The following HEATR4 variants were observed in gnomAD, a reference collection of about 807,000 sequenced individuals.
HEATR4 encodes HEAT repeat-containing protein 4.
HEATR4 carries 95 observed loss-of-function variants against 108.8 expected under a neutral mutation model. The ratio of observed to expected loss-of-function variants is 0.87; its 90% confidence interval spans 0.74 to 1.04. HEATR4 has a LOEUF of 1.04. Among genes scored for constraint, HEATR4 ranks in the 50% least tolerant of loss-of-function variants. The pLI, the probability that HEATR4 is intolerant of heterozygous loss-of-function variation, is 0.00. For synonymous variants in HEATR4, 443 were observed against 459.4 expected, an observed-to-expected ratio of 0.96 and a Z score of 0.46; for missense variants, 1,152 against 1,253.8, an observed-to-expected ratio of 0.92 and a Z score of 1.23.
chr14:73,548,584 G>A lies in HEATR4; in HGVS notation c.-152+10167C>T, dbSNP rs1283906474. Among the ~76,000 whole-genome samples, 2 of 115,538 alleles carry A rather than the reference G, an allele frequency of 1.7e-5. 1 individual carries two copies. The highest frequency in any genetic ancestry group is 3.8e-5 in the Non-Finnish European group (2 of 52,866). The allele number at this position is 115,538 out of a possible 152,430, so 75.8% of individuals were successfully genotyped here. On this transcript the variant is annotated intron_variant, in intron 1 of 17. Transcript: ENST00000553558. Reference sequence around the variant, plus strand: ...ATCTAGGTAAATACATGTGCATAAGGCACGGAAGCACAGAATGGGAAAAGA... The same window carrying A: ...ATCTAGGTAAATACATGTGCATAAGACACGGAAGCACAGAATGGGAAAAGA...
At chr14:73,558,190 C>T (rs1889431537) in intron 1 of HEATR4, among the ~76,000 whole-genome samples, 2 of 130,984 alleles carry the variant, frequency 1.5e-5, no homozygotes, top group South Asian at 5.4e-4. Context: ...TAGGGAACAG[C>T]TGCTTAACCT....
chr14:73,596,579 C>T, the HEATR4 span: 1 of 151,962 alleles, frequency 6.6e-6, no homozygotes, highest in South Asian at 2.1e-4. Flanking sequence ...TTGACATTGA[C>T]ACTACATAGC....
intron 11 of HEATR4, among the ~76,000 whole-genome samples, chr14:73,502,148 A>C (rs112530341): frequency 2.0e-4 from 30 of 149,966 alleles, no homozygotes; most frequent in African/African-American, 7.1e-4. Flanking sequence ...CCTGCTTCAG[A>C]GTCTCAAAGT....
Position 73,492,999 on chromosome 14 carries a change from CTT to C in HEATR4, c.2844+65_2844+66del, listed in dbSNP as rs11410201. On this transcript the variant is annotated intron_variant, in intron 17 of 17. Transcript: ENST00000553558. The surrounding 1 kb of genome is among the most constrained non-coding windows in gnomAD (Gnocchi z 4.9). ...AGTGATTCTCCGCTGCCACTGCTAC[CTT>C]TTTTTTTTTTTTTTCCTTAAACTCA... is the stretch of plus-strand genomic sequence containing the variant. The C allele has an allele frequency of 1.7e-3, 2,407 of 1,447,570 alleles. No homozygotes were observed. The highest frequency in any genetic ancestry group is 2.5e-3 in the South Asian group (190 of 75,854). 89.7% of individuals were successfully genotyped at this position (1,447,570 alleles called of 1,614,324 possible). A position where few individuals can be genotyped will look rare whatever the true frequency, so the allele number is the denominator to read the frequency against.
chr14:73,496,750 A>G (rs1265550433), intron 14 of HEATR4, 71 bp from the exon 15 acceptor site: 1 of 844,930 alleles, frequency 1.2e-6, no homozygotes, highest in South Asian at 1.4e-5. Flanking sequence ...TAGAAAATAT[A>G]GGACTTGGAA....
intron 16 of HEATR4, among the ~76,000 whole-genome samples, chr14:73,493,700 T>TAGTG (rs886208135): frequency 2.6e-5 from 4 of 152,072 alleles, no homozygotes; most frequent in African/African-American, 9.7e-5. Context: ...TAGCCAGGCA[T>TAGTG]AGTGGTGCGT....
In HEATR4 at chr14:73,492,100, A is replaced by G; in HGVS notation, c.2844+966T>C. 1 of 1,613,344 alleles carries G rather than the reference A, an allele frequency of 6.2e-7. No homozygotes were observed. Among genetic ancestry groups the G allele is most frequent in the Non-Finnish European group, 8.5e-7 (1 of 1,179,758 alleles). On this transcript the variant is annotated intron_variant, in intron 17 of 17. Transcript: ENST00000553558. The surrounding 1 kb of genome is among the most constrained non-coding windows in gnomAD (Gnocchi z 4.9). ...GTAGGAAACTCTGGCGTGTATACCGACCCCGAGTCCCAACCGAGGAACTGG... is the reference window on the plus strand; with the variant it reads ...GTAGGAAACTCTGGCGTGTATACCGGCCCCGAGTCCCAACCGAGGAACTGG...
chr14:73,502,798 C>T (rs532751176), intron 11 of HEATR4, 97 bp downstream of exon 11: 9 of 840,028 alleles, frequency 1.1e-5, no homozygotes, highest in East Asian at 7.3e-5. Context: ...CCGCCCACCC[C>T]GTCTTCCCAA....
Position 73,503,042 on chromosome 14 carries a change from A to C in HEATR4, c.1987-29T>G, listed in dbSNP as rs1250157233. The stretch of plus-strand genomic sequence containing the variant: ...TAAATAGGTATGATCATTAGGTATC[A>C]TCACTTAATGAATGTTAATTTTGTG... On this transcript the variant is annotated intron_variant, in intron 10 of 17. Transcript: ENST00000553558. 27 of 1,490,442 alleles carry C rather than the reference A, an allele frequency of 1.8e-5. No individual in the cohort carries two copies. The East Asian group carries it at 5.9e-4, about 32-fold the overall frequency. The allele number at this position is 1,490,442 out of a possible 1,614,324, so 92.3% of individuals were successfully genotyped here.
At chr14:73,583,869 G>A in the HEATR4 span, among the ~76,000 whole-genome samples, 3 of 151,888 alleles carry the variant, frequency 2.0e-5, no homozygotes, top group Middle Eastern at 3.4e-3. Flanking sequence ...GTGTGGTGGT[G>A]CGCACCTGTA....
At chr14:73,603,994 A>G in the HEATR4 span, among the ~76,000 whole-genome samples, 1 of 152,078 alleles carries the variant, frequency 6.6e-6, no homozygotes, top group Non-Finnish European at 1.5e-5. Flanking sequence ...GGCCTCCCAA[A>G]GTGCTGGGAT....
Position 73,496,639 on chromosome 14 carries a change from CATTT to C in HEATR4, c.2583_2586del (p.Asn862LysfsTer17). On this transcript the variant is annotated frameshift_variant, in exon 15 of 18. Coordinates refer to ENST00000553558, the MANE Select transcript of HEATR4 (RefSeq NM_001220484.1). LOFTEE classifies it high-confidence loss of function. ...TCCTGAAGCATTTCTTGGTTTCCTTCATTTCCTAAGTTGAGTATCTTCATTGTCT... is the reference window on the plus strand; with the variant it reads ...TCCTGAAGCATTTCTTGGTTTCCTTCCCTAAGTTGAGTATCTTCATTGTCT... 6.2e-7 allele frequency: 1 copy of C among 1,602,616 alleles called. No individual in the cohort carries two copies. Among genetic ancestry groups the C allele is most frequent in the African/African-American group, 1.3e-5 (1 of 74,730 alleles).
At chr14:73,613,488 C>G in the HEATR4 span, among the ~76,000 whole-genome samples, 1 of 152,198 alleles carries the variant, frequency 6.6e-6, no homozygotes, top group Non-Finnish European at 1.5e-5. Context: ...AAGCTAAAAT[C>G]CACAGTATTG....
At chr14:73,592,221 A>C in the HEATR4 span, 2 of 1,612,900 alleles carry the variant, frequency 1.2e-6, no homozygotes, top group Non-Finnish European at 1.7e-6. Flanking sequence ...GGAACCCGAG[A>C]AGCCTTTTTG....
At chr14:73,503,056 G>T in intron 10 of HEATR4, 43 bp from the exon 11 acceptor site, 2 of 1,431,482 alleles carry the variant, frequency 1.4e-6, no homozygotes, top group Non-Finnish European at 2.0e-6. Context: ...CTTAATGAAT[G>T]TTAATTTTGT....
the HEATR4 span, among the ~76,000 whole-genome samples, chr14:73,598,159 G>A: frequency 7.3e-6 from 1 of 137,484 alleles, no homozygotes; most frequent in African/African-American, 2.7e-5. Context: ...GGATCATGAG[G>A]TCAGGAGATC....
Position 73,509,846 on chromosome 14 carries a change from ATATATATATATATATATATATATTTATT to A in HEATR4, c.1559-401_1559-374del, listed in dbSNP as rs1315732492. Reference sequence around the variant, plus strand: ...TATATATATATATATATATATATATATATATATATATATATATATATATTTATTTATTTTATATATTTTTTGAGACGGA... The same window carrying A: ...TATATATATATATATATATATATATATATTTTATATATTTTTTGAGACGGA... On this transcript the variant is annotated intron_variant, in intron 7 of 17. Transcript: ENST00000553558. 1.1e-3 allele frequency among the ~76,000 whole-genome samples: 70 copies of A among 65,540 alleles called. 1 individual carries two copies. Among genetic ancestry groups the A allele is most frequent in the Admixed American group, 2.1e-3 (15 of 7,056 alleles). 43.0% of individuals were successfully genotyped at this position (65,540 alleles called of 152,430 possible). A position where few individuals can be genotyped will look rare whatever the true frequency, so the allele number is the denominator to read the frequency against.
In HEATR4 at chr14:73,541,260, C is replaced by G. The variant is rs1350364550; in HGVS notation, c.-151-11016G>C. ...GTGCACCATTAAATGGATTCATTCA[C>G]CAGTTAAAGGACATTTGGGTTGTTT... is the stretch of plus-strand genomic sequence containing the variant. On this transcript the variant is annotated intron_variant, in intron 1 of 17. Coordinates refer to ENST00000553558, the MANE Select transcript of HEATR4 (RefSeq NM_001220484.1). Among the ~76,000 whole-genome samples the G allele has an allele frequency of 1.8e-5, 2 of 110,386 alleles. 1 individual carries two copies. The highest frequency in any genetic ancestry group is 3.9e-5 in the Non-Finnish European group (2 of 51,442). The allele number at this position is 110,386 out of a possible 152,430, so 72.4% of individuals were successfully genotyped here.
the HEATR4 span, among the ~76,000 whole-genome samples, chr14:73,583,108 C>T: frequency 2.6e-5 from 4 of 151,910 alleles, no homozygotes; most frequent in African/African-American, 9.7e-5. Context: ...CTTTGGGAGG[C>T]CGAGGCGGGC....
Sources: allele counts gnomAD v4.1 joint callset (sites outside exome capture counted in the v4.1 genomes callset), GRCh38; gene constraint gnomAD v4.1.1; non-coding constraint Gnocchi (gnomAD v3.1); transcripts MANE v1.5; gene names NCBI Gene and HGNC (gene_info 2026-07-23, HGNC 2026-07-21).